Variants in ZNF800 observed in about 807,000 individuals in gnomAD.
The protein encoded by ZNF800 is zinc finger protein 800.
Under a neutral mutation model 59.5 loss-of-function variants are expected in ZNF800, and 13 were observed. That is an observed-to-expected ratio of 0.22 (90% CI 0.14 to 0.35). The LOEUF is 0.35. ZNF800 is among the 10% of genes least tolerant of loss of function. The pLI, the probability that ZNF800 is intolerant of heterozygous loss-of-function variation, is 1.00. For missense variants in ZNF800, 621 were observed against 783.7 expected (o/e 0.79, Z 2.48); for synonymous variants, 266 against 265.7 (o/e 1.00, Z -0.01).
chr7:127,346,459 C>T (rs1344862888), downstream of ZNF800, among the ~76,000 whole-genome samples: 1 of 152,078 alleles, frequency 6.6e-6, no homozygotes, highest in African/African-American at 2.4e-5. Context: ...TGAGATTTTG[C>T]CAGGAAAATT....
At chr7:127,360,572 TG>T (rs1178847477) in intron 1 of ZNF800, 2 of 152,084 alleles carry the variant, frequency 1.3e-5, no homozygotes, top group Non-Finnish European at 1.5e-5. Flanking sequence ...GGTTCTTTGC[TG>T]GAACAAAATA....
At chr7:127,375,492 C>A (rs1800767288) in intron 4 of ZNF800, among the ~76,000 whole-genome samples, 1 of 151,956 alleles carries the variant, frequency 6.6e-6, no homozygotes, top group Admixed American at 6.6e-5. Flanking sequence ...TAACTTAATC[C>A]ATAATAGTCT....
chr7:127,361,955 C>T (rs560888320), intron 1 of ZNF800: 1 of 152,100 alleles, frequency 6.6e-6, no homozygotes, highest in South Asian at 2.1e-4. Context: ...AAGCTTAAAG[C>T]AAAACTATGT....
In ZNF800 at chr7:127,373,988, T is replaced by G. The variant is rs1187249318; in HGVS notation, c.1348A>C (p.Lys450Gln). Residue 450 changes from lysine to glutamine, a missense_variant, in exon 5 of 6, where the codon AAA becomes CAA. Transcript: ENST00000265827. ...KKNTPAAQKN[K>Q]VKQDSESPKS... ...GGGCTTTCAGAGTCTTGTTTAACTT[T>G]ATTTTTCTGTGCTGCCGGTGTGTTC... 1.9e-6 allele frequency: 3 copies of G among 1,613,858 alleles called. No homozygotes were observed. Among genetic ancestry groups the G allele is most frequent in the Non-Finnish European group, 2.5e-6 (3 of 1,179,962 alleles).
Position 127,392,183 on chromosome 7 carries a change from G to T in ZNF800, c.-182C>A, listed in dbSNP as rs1262578847. The T allele has an allele frequency of 2.5e-6, 1 of 394,870 alleles. No homozygotes were observed. The highest frequency in any genetic ancestry group is 4.5e-6 in the Non-Finnish European group (1 of 223,564). 24.5% of individuals were successfully genotyped at this position (394,870 alleles called of 1,614,324 possible). A position where few individuals can be genotyped will look rare whatever the true frequency, so the allele number is the denominator to read the frequency against. On this transcript the variant is annotated 5_prime_UTR_variant, in exon 1 of 6. Coordinates refer to ENST00000265827, the MANE Select transcript of ZNF800 (RefSeq NM_176814.5). ...CTGGCGCAGCCTCCGCTGACCACGC[G>T]GGGGAACCCGGACTCGGGCCCGACG...
chr7:127,391,677 TTTCCAGATACGTTCCCATCATCAGC>T, intron 1 of ZNF800, 62 bp from the exon 2 acceptor site: 1 of 831,032 alleles, frequency 1.2e-6, no homozygotes, highest in Non-Finnish European at 2.0e-6. Flanking sequence ...CTGGCTGCAT[TTTCCAGATACGTTCCCATCATCAGC>T]TCTCCGCTTT....
rs1587460059 is a variant in ZNF800, at chr7:127,391,419, G to A, written c.61+78C>T. ...TTAAGAATGACTACTGGGGCAGGAG[G>A]AAAAAAAGCTAGAAAAAAAGAGAAG... On this transcript the variant is annotated intron_variant, in intron 2 of 5. Transcript: ENST00000265827. 22 of 1,406,808 alleles carry A rather than the reference G, an allele frequency of 1.6e-5. No individual in the cohort carries two copies. In the East Asian group the frequency reaches 2.0e-4, roughly 13 times the overall value. 87.1% of individuals were successfully genotyped at this position (1,406,808 alleles called of 1,614,324 possible).
intron 2 of ZNF800, 55 bp from the exon 3 acceptor site, chr7:127,386,210 T>A (rs893135970): frequency 2.4e-5 from 26 of 1,072,318 alleles, no homozygotes; most frequent in Non-Finnish European, 1.5e-5. Flanking sequence ...GTTATTTAAA[T>A]CATTTACTAT....
At chr7:127,345,861 C>G (rs1562892762), downstream of ZNF800, among the ~76,000 whole-genome samples, 1 of 152,152 alleles carries the variant, frequency 6.6e-6, no homozygotes, top group Non-Finnish European at 1.5e-5. Flanking sequence ...GAATAGACAA[C>G]TCCATTAAAA....
At chr7:127,359,110 AAT>A (rs1313322580) in intron 1 of ZNF800, among the ~76,000 whole-genome samples, 1 of 152,154 alleles carries the variant, frequency 6.6e-6, no homozygotes, top group Non-Finnish European at 1.5e-5. Context: ...ATTAACATGT[AAT>A]ACAAAGGCTT....
Position 127,388,388 on chromosome 7 carries a change from T to C in ZNF800, c.62-2233A>G, listed in dbSNP as rs570991817. Among the ~76,000 whole-genome samples the C allele has an allele frequency of 5.3e-4, 81 of 152,306 alleles. 1 individual carries two copies. The highest frequency in any genetic ancestry group is 3.4e-3 in the Middle Eastern group (1 of 294). Reference sequence around the variant, plus strand: ...TAAACTGATTTCTCCTATTTGCACATTATAGCAACAGGTAACTACTTACAA... The same window carrying C: ...TAAACTGATTTCTCCTATTTGCACACTATAGCAACAGGTAACTACTTACAA... On this transcript the variant is annotated intron_variant, in intron 2 of 5. Coordinates refer to ENST00000265827, the MANE Select transcript of ZNF800 (RefSeq NM_176814.5).
intron 2 of ZNF800, among the ~76,000 whole-genome samples, chr7:127,387,917 A>AACACACACACACACACAC (rs141731563): frequency 1.4e-5 from 2 of 147,730 alleles, no homozygotes; most frequent in Admixed American, 1.4e-4. Flanking sequence ...ATTAATTAAG[A>AACACACACACACACACAC]ACACACACAC....
chr7:127,345,438 G>A (rs1351968374), downstream of ZNF800, among the ~76,000 whole-genome samples: 2 of 152,180 alleles, frequency 1.3e-5, no homozygotes, highest in African/African-American at 4.8e-5. Context: ...GCTCTGTGCA[G>A]AAATATAACA....
intron 1 of ZNF800, among the ~76,000 whole-genome samples, chr7:127,348,782 AAATAT>A (rs1440208765): frequency 1.3e-5 from 2 of 152,224 alleles, no homozygotes; most frequent in Admixed American, 6.5e-5. Flanking sequence ...TTACAGTAAA[AAATAT>A]AATACAAGGA....
At chr7:127,344,512 C>T (rs899270037), downstream of ZNF800, among the ~76,000 whole-genome samples, 40 of 151,632 alleles carry the variant, frequency 2.6e-4, no homozygotes, top group African/African-American at 9.5e-4. Flanking sequence ...GGAATGTGAC[C>T]AAAACATAAC....
At chr7:127,365,573 C>T (rs1296685396), downstream of ZNF800, among the ~76,000 whole-genome samples, 1 of 152,168 alleles carries the variant, frequency 6.6e-6, no homozygotes, top group East Asian at 1.9e-4. Context: ...ACAAAACTGT[C>T]CTGAGTTTTG....
At chr7:127,362,305 T>A (rs1352848841) in intron 1 of ZNF800, 1 of 152,148 alleles carries the variant, frequency 6.6e-6, no homozygotes, top group East Asian at 1.9e-4. Context: ...CCTGGTCCCA[T>A]CTTCTGATTA....
downstream of ZNF800, among the ~76,000 whole-genome samples, chr7:127,369,017 G>A (rs969279529): frequency 7.1e-6 from 1 of 140,964 alleles, no homozygotes; most frequent in African/African-American, 2.7e-5. Flanking sequence ...AAGGGGAGGG[G>A]GAGGGAATGG....
chr7:127,349,377 A>C (rs1800130689), intron 1 of ZNF800, among the ~76,000 whole-genome samples: 1 of 152,204 alleles, frequency 6.6e-6, no homozygotes, highest in African/African-American at 2.4e-5. Flanking sequence ...AAAAGTGATA[A>C]TAAAATTATA....
Sources: allele counts gnomAD v4.1 joint callset (sites outside exome capture counted in the v4.1 genomes callset), GRCh38; gene constraint gnomAD v4.1.1; transcripts MANE v1.5; gene names NCBI Gene and HGNC (gene_info 2026-07-23, HGNC 2026-07-21).